APP: variants seen among roughly 807,000 people sequenced by gnomAD.
APP encodes amyloid beta precursor protein.
In APP, 31 loss-of-function variants were observed where a neutral mutation model predicts 101.4. That is an observed-to-expected ratio of 0.31 (90% CI 0.23 to 0.41). The LOEUF is 0.41. Among genes scored for constraint, APP ranks in the 10% least tolerant of loss-of-function variants. APP has a pLI of 1.00. For missense variants in APP, 839 were observed against 1,003.7 expected (o/e 0.84, Z 2.22); for synonymous variants, 366 against 364.4 (o/e 1.00, Z -0.05).
chr21:26,050,905 T>C (rs914422444), intron 5 of APP, 95 bp downstream of exon 5: 23 of 1,491,952 alleles, frequency 1.5e-5, no homozygotes, highest in Non-Finnish European at 1.8e-5. Flanking sequence ...GCAGAGACCT[T>C]TTCAGTGATA....
intron 1 of APP, among the ~76,000 whole-genome samples, chr21:26,160,354 T>C (rs1601598033): frequency 6.6e-6 from 1 of 152,340 alleles, no homozygotes; most frequent in South Asian, 2.1e-4. Flanking sequence ...AGAATTTTTA[T>C]ATTCGTTTTA....
intron 6 of APP, among the ~76,000 whole-genome samples, chr21:26,001,781 G>A (rs2043305030): frequency 1.1e-5 from 1 of 87,490 alleles, no homozygotes; most frequent in Admixed American, 1.7e-4. Flanking sequence ...TTACAGGCGT[G>A]AGCCACTGCC....
intron 8 of APP, among the ~76,000 whole-genome samples, chr21:25,991,859 T>C (rs892727879): frequency 1.3e-5 from 2 of 152,244 alleles, no homozygotes; most frequent in Non-Finnish European, 2.9e-5. Flanking sequence ...CTGACCACTT[T>C]ATTAAACGAT....
chr21:25,906,838 G>A (rs976201514), intron 14 of APP, among the ~76,000 whole-genome samples: 2 of 152,190 alleles, frequency 1.3e-5, no homozygotes, highest in East Asian at 3.8e-4. Flanking sequence ...GGGCAAACGC[G>A]TACCTTGAAG....
In APP at chr21:26,058,454, G is replaced by A. The variant is rs138405921; in HGVS notation, c.356-5106C>T. Among the ~76,000 whole-genome samples, 36 of 152,342 alleles carry A rather than the reference G, an allele frequency of 2.4e-4. No homozygotes were observed. The East Asian group carries it at 6.2e-3, about 26-fold the overall frequency. Reference sequence around the variant, plus strand: ...AAATGGGAATGAATATCAAACAGGCGAGTAGCAGAGGCTCCCACACTATGG... The same window carrying A: ...AAATGGGAATGAATATCAAACAGGCAAGTAGCAGAGGCTCCCACACTATGG... On this transcript the variant is annotated intron_variant, in intron 3 of 17. Transcript: ENST00000346798.
Position 26,049,839 on chromosome 21 carries a change from C to T in APP, c.662+1161G>A, listed in dbSNP as rs150631426. On this transcript the variant is annotated intron_variant, in intron 5 of 17. Transcript: ENST00000346798. The stretch of plus-strand genomic sequence containing the variant: ...GGTGATTATGAGGGAAGATCATGAT[C>T]AGAGAGGAATATCAAAGCTATAAAC... Among the ~76,000 whole-genome samples, 164 of 152,180 alleles carry T rather than the reference C, an allele frequency of 1.1e-3. 1 individual carries two copies. Among genetic ancestry groups the T allele is most frequent in the African/African-American group, 3.9e-3 (161 of 41,504 alleles).
chr21:25,897,166 G>A (rs960143587), intron 16 of APP, among the ~76,000 whole-genome samples: 4 of 150,460 alleles, frequency 2.7e-5, no homozygotes, highest in African/African-American at 9.8e-5. Flanking sequence ...TCGCTCTGTC[G>A]CCTAGGCACG....
At chr21:25,979,364 G>C (rs1161559754) in intron 9 of APP, among the ~76,000 whole-genome samples, 2 of 152,172 alleles carry the variant, frequency 1.3e-5, no homozygotes, top group African/African-American at 4.8e-5. Flanking sequence ...AGGCACAAAG[G>C]TATCAATTTC....
chr21:26,045,221 G>A (rs2045556534), intron 5 of APP, among the ~76,000 whole-genome samples: 2 of 151,562 alleles, frequency 1.3e-5, no homozygotes, highest in East Asian at 1.9e-4. Context: ...AAAATTATGA[G>A]CTGTCAATGT....
At chr21:26,034,741 C>T (rs1215593903) in intron 5 of APP, among the ~76,000 whole-genome samples, 1 of 151,406 alleles carries the variant, frequency 6.6e-6, no homozygotes, top group Admixed American at 6.6e-5. Context: ...CAATCAGGAA[C>T]AATGTCTAAA....
chr21:26,162,320 G>A (rs569738947), intron 1 of APP, among the ~76,000 whole-genome samples: 10 of 152,146 alleles, frequency 6.6e-5, no homozygotes, highest in Admixed American at 2.6e-4. Flanking sequence ...GACTTGTCCC[G>A]AAAACAAACA....
intron 1 of APP, among the ~76,000 whole-genome samples, chr21:26,160,341 C>A (rs1328795225): frequency 6.6e-6 from 1 of 152,142 alleles, no homozygotes; most frequent in Non-Finnish European, 1.5e-5. Context: ...CCACAACAAC[C>A]ATAGAATTTT....
At chr21:25,977,400 G>T (rs2042262825) in intron 9 of APP, among the ~76,000 whole-genome samples, 1 of 152,192 alleles carries the variant, frequency 6.6e-6, no homozygotes, top group African/African-American at 2.4e-5. Context: ...CCCAAAGCAT[G>T]AGAAAACTTG....
chr21:26,057,274 A>T (rs1374235315), intron 3 of APP, among the ~76,000 whole-genome samples: 3 of 152,200 alleles, frequency 2.0e-5, no homozygotes, highest in Non-Finnish European at 4.4e-5. Flanking sequence ...TTCTGATGTA[A>T]GAGATCAAAG....
intron 5 of APP, among the ~76,000 whole-genome samples, chr21:26,022,711 A>G (rs1601240283): frequency 6.6e-6 from 1 of 152,212 alleles, no homozygotes; most frequent in Non-Finnish European, 1.5e-5. Context: ...AGTTTGCCGT[A>G]TTATGGGAAT....
In APP at chr21:25,954,586, T is replaced by G; in HGVS notation, c.1687+4A>C. Reference sequence around the variant, plus strand: ...GTGCAGCATCAAAAGAACAGCTTACTTACCAACTTCATCCTGAATCTCCTC... The same window carrying G: ...GTGCAGCATCAAAAGAACAGCTTACGTACCAACTTCATCCTGAATCTCCTC... On this transcript the variant is annotated splice_donor_region_variant and intron_variant, in intron 13 of 17. Transcript: ENST00000346798. 2 of 1,610,944 alleles carry G rather than the reference T, an allele frequency of 1.2e-6. No homozygotes were observed. The highest frequency in any genetic ancestry group is 1.7e-6 in the Non-Finnish European group (2 of 1,177,302).
chr21:26,141,890 G>T (rs1442545006), intron 1 of APP, among the ~76,000 whole-genome samples: 2 of 152,218 alleles, frequency 1.3e-5, no homozygotes, highest in African/African-American at 4.8e-5. Flanking sequence ...TGCTTTGCTA[G>T]ACCTGTGGAA....
intron 2 of APP, among the ~76,000 whole-genome samples, chr21:26,106,310 G>A (rs2062181505): frequency 6.6e-6 from 1 of 152,128 alleles, no homozygotes; most frequent in Non-Finnish European, 1.5e-5. Context: ...TTAAGAAATT[G>A]GGTAAGCATC....
chr21:26,027,408 A>G (rs2044627568), intron 5 of APP, among the ~76,000 whole-genome samples: 2 of 152,254 alleles, frequency 1.3e-5, no homozygotes, highest in Admixed American at 1.3e-4. Flanking sequence ...TGGAAGGTAC[A>G]ATGGCTGGAT....
Sources: gnomAD v4.1 joint callset for allele counts (sites outside exome capture counted in the v4.1 genomes callset) on GRCh38, gnomAD v4.1.1 for gene constraint, MANE v1.5 for transcripts, NCBI Gene and HGNC (gene_info 2026-07-23, HGNC 2026-07-21) for gene names.